The following PRKN variants were observed in gnomAD, a reference collection of about 807,000 sequenced individuals.
PRKN encodes parkin RBR E3 ubiquitin protein ligase, also known as E3 ubiquitin-protein ligase parkin.
A neutral mutation model predicts 59.5 loss-of-function variants in PRKN; 56 were observed. The ratio of observed to expected loss-of-function variants is 0.94; its 90% CI spans 0.76 to 1.18. PRKN has a LOEUF of 1.18. PRKN is among the 50% of genes most tolerant of loss of function. The pLI, the probability that PRKN is intolerant of heterozygous loss-of-function variation, is 0.00. For missense variants in PRKN, 657 were observed against 596.4 expected, an observed-to-expected ratio of 1.10 and a Z score of -1.06; for synonymous variants, 250 against 222.1, an observed-to-expected ratio of 1.13 and a Z score of -1.12.
chr6:161,803,448 C>G (rs557157812), intron 6 of PRKN, among the ~76,000 whole-genome samples: 3 of 152,178 alleles, frequency 2.0e-5, no homozygotes, highest in Admixed American at 6.5e-5. Context: ...TTTGGTGAGG[C>G]CTGCCCTTCT....
At chr6:161,482,948 T>C (rs1791478233) in intron 9 of PRKN, among the ~76,000 whole-genome samples, 2 of 152,220 alleles carry the variant, frequency 1.3e-5, no homozygotes, top group African/African-American at 4.8e-5. Context: ...TTCATAGCTT[T>C]TTGAGAATTT....
intron 6 of PRKN, among the ~76,000 whole-genome samples, chr6:161,811,299 C>CA (rs530099436): frequency 4.0e-4 from 60 of 148,882 alleles, no homozygotes; most frequent in Middle Eastern, 3.4e-3. Flanking sequence ...TTTAGTTTCT[C>CA]AAAAAAAAAA....
chr6:161,844,425 ACT>A (rs1367209862), intron 6 of PRKN, among the ~76,000 whole-genome samples: 1 of 151,874 alleles, frequency 6.6e-6, no homozygotes, highest in Non-Finnish European at 1.5e-5. Flanking sequence ...TTGGGTGAAG[ACT>A]CTAAGCCTGA....
At chr6:162,335,846 C>T (rs1783820625) in intron 2 of PRKN, among the ~76,000 whole-genome samples, 1 of 151,876 alleles carries the variant, frequency 6.6e-6, no homozygotes, top group Admixed American at 6.6e-5. Context: ...GGGTGGCCAA[C>T]TCTTCCAGCA....
chr6:162,345,750 G>A (rs570994771), intron 2 of PRKN, among the ~76,000 whole-genome samples: 5 of 152,166 alleles, frequency 3.3e-5, no homozygotes, highest in African/African-American at 9.6e-5. Flanking sequence ...ATGACTTATC[G>A]TTATATTCTT....
At chr6:162,479,758 T>TTTG (rs1792201977) in intron 1 of PRKN, among the ~76,000 whole-genome samples, 2 of 45,468 alleles carry the variant, frequency 4.4e-5, no homozygotes, top group Admixed American at 2.2e-4. Context: ...CAGTTATCTG[T>TTTG]TTTTTTTTCT....
intron 2 of PRKN, among the ~76,000 whole-genome samples, chr6:162,427,250 C>CAT (rs2128161378): frequency 6.6e-6 from 1 of 152,268 alleles, no homozygotes; most frequent in Non-Finnish European, 1.5e-5. Flanking sequence ...GATCACCTAG[C>CAT]AGAGCAATTA....
chr6:162,345,677 G>T (rs1784370523), intron 2 of PRKN, among the ~76,000 whole-genome samples: 1 of 152,118 alleles, frequency 6.6e-6, no homozygotes, highest in Non-Finnish European at 1.5e-5. Flanking sequence ...ATACAGAAAT[G>T]CAATTGATTT....
At position 162,262,782 on chromosome 6, in the gene PRKN, TAA is replaced by T. The variant is rs751742289; in HGVS notation, c.172-19_172-18del. ...GTCACAATTCTGTTTGGGAGCAAGGTAAAAAAAAAAAAAAAAAAAAAGGAAAT... is the reference window on the plus strand; with the variant it reads ...GTCACAATTCTGTTTGGGAGCAAGGTAAAAAAAAAAAAAAAAAAAGGAAAT... On this transcript the variant is annotated intron_variant, in intron 2 of 11. Coordinates refer to ENST00000366898, the MANE Select transcript of PRKN (RefSeq NM_004562.3). The T allele has an allele frequency of 0.11, 128,861 of 1,184,638 alleles. No individual in the cohort carries two copies. Among genetic ancestry groups the T allele is most frequent in the East Asian group, 0.13 (4,084 of 32,328 alleles). 73.4% of individuals were successfully genotyped at this position (1,184,638 alleles called of 1,614,324 possible).
rs886629712 is a variant in PRKN at position 161,876,000 on chromosome 6, G to A, written c.735-90092C>T. 5.9e-5 allele frequency among the ~76,000 whole-genome samples: 9 copies of A among 152,122 alleles called. No individual in the cohort carries two copies. The South Asian group carries it at 6.3e-4, about 11-fold the overall frequency. ...AGTGAAAGACTCTCAGAAGGCAGGA[G>A]TATCAGAGGATGTGCTGAAACCTAC... On this transcript the variant is annotated intron_variant, in intron 6 of 11. Transcript: ENST00000366898.
In PRKN at chr6:161,352,911, T is replaced by C. The variant is rs1003144051; in HGVS notation, c.1286-2700A>G. Among the ~76,000 whole-genome samples, 6 of 151,786 alleles carry C rather than the reference T, an allele frequency of 4.0e-5. No individual in the cohort carries two copies. Among genetic ancestry groups the C allele is most frequent in the African/African-American group, 1.5e-4 (6 of 41,310 alleles). On this transcript the variant is annotated intron_variant, in intron 11 of 11. Coordinates refer to ENST00000366898, the MANE Select transcript of PRKN (RefSeq NM_004562.3). The surrounding 1 kb of genome is among the most constrained non-coding windows in gnomAD (Gnocchi z 5.8). ...TCTCCTGCCTCAGCCTCTCGAGTAG[T>C]TGGAATTACAGGCACCTGCCACCAC...
intron 4 of PRKN, among the ~76,000 whole-genome samples, chr6:162,095,028 T>C (rs991930997): frequency 3.9e-5 from 6 of 152,050 alleles, no homozygotes. Context: ...GGAGAGATGG[T>C]AGGTGGACAG....
At chr6:162,118,814 C>T (rs1780783739) in intron 4 of PRKN, among the ~76,000 whole-genome samples, 2 of 152,196 alleles carry the variant, frequency 1.3e-5, no homozygotes, top group Non-Finnish European at 1.5e-5. Flanking sequence ...GCAACATGGG[C>T]GTGGAGGTGT....
intron 1 of PRKN, 136 bp downstream of exon 1, chr6:162,727,526 C>A (rs1779329519): frequency 3.0e-6 from 3 of 996,884 alleles, no homozygotes. Context: ...GCGGCGCGGG[C>A]CGGGGACGGC....
chr6:162,546,170 C>A (rs549623008), intron 1 of PRKN, among the ~76,000 whole-genome samples: 71 of 134,282 alleles, frequency 5.3e-4, no homozygotes, highest in African/African-American at 1.9e-3. Context: ...GTGGCGTGAT[C>A]TCAGCTCACT....
chr6:162,253,318 C>A (rs1439008126), intron 3 of PRKN, among the ~76,000 whole-genome samples: 1 of 152,020 alleles, frequency 6.6e-6, no homozygotes, highest in African/African-American at 2.4e-5. Context: ...CTAATCTAAT[C>A]TGTTTCTCCA....
At chr6:161,421,700 A>AAG (rs201468770) in intron 9 of PRKN, among the ~76,000 whole-genome samples, 6 of 151,570 alleles carry the variant, frequency 4.0e-5, no homozygotes. Flanking sequence ...TTAGGGAAAA[A>AAG]TTAAGGATAG....
At chr6:162,455,246 C>T (rs1032105082) in intron 1 of PRKN, among the ~76,000 whole-genome samples, 1 of 152,146 alleles carries the variant, frequency 6.6e-6, no homozygotes, top group Non-Finnish European at 1.5e-5. Flanking sequence ...TCCATCTGCC[C>T]ATTCATCCAC....
chr6:162,408,286 T>C (rs1435932244), intron 2 of PRKN, among the ~76,000 whole-genome samples: 2 of 151,376 alleles, frequency 1.3e-5, no homozygotes, highest in African/African-American at 2.4e-5. Context: ...TTCCCAACTA[T>C]ATTCAGAAAA....
Sources: allele counts gnomAD v4.1 joint callset (sites outside exome capture counted in the v4.1 genomes callset), GRCh38; gene constraint gnomAD v4.1.1; non-coding constraint Gnocchi (gnomAD v3.1); transcripts MANE v1.5; gene names NCBI Gene and HGNC (gene_info 2026-07-23, HGNC 2026-07-21).